Variants in CDH12 observed in about 807,000 individuals in gnomAD.
CDH12 encodes cadherin-12.
A neutral mutation model predicts 74.1 loss-of-function variants in CDH12; 41 were observed. The observed-to-expected ratio is 0.55, with a 90% confidence interval of 0.43 to 0.72. The LOEUF is 0.72. CDH12 is among the 30% of genes least tolerant of loss of function. CDH12 has a pLI of 0.00. For missense variants in CDH12, 945 were observed against 977.2 expected (o/e 0.97, Z 0.44); for synonymous variants, 399 against 355.0 (o/e 1.12, Z -1.39).
intron 5 of CDH12, among the ~76,000 whole-genome samples, chr5:21,993,807 T>C (rs1407191168): frequency 6.6e-6 from 1 of 151,936 alleles, no homozygotes; most frequent in Non-Finnish European, 1.5e-5. Flanking sequence ...TAAGGGTTAT[T>C]TTCAGCTGCT....
In CDH12 at chr5:22,043,906, G is replaced by T. The variant is rs182085365; in HGVS notation, c.231+34540C>A. The stretch of plus-strand genomic sequence containing the variant: ...TGAAGGAAAAGAGCTACACACTGAA[G>T]ACTTTAAAACTCTGATGAAAGACAT... On this transcript the variant is annotated intron_variant, in intron 5 of 14. Coordinates refer to ENST00000382254, the MANE Select transcript of CDH12 (RefSeq NM_004061.5). Among the ~76,000 whole-genome samples the T allele has an allele frequency of 2.1e-3, 312 of 152,080 alleles. 4 individuals carry two copies. Among genetic ancestry groups the T allele is most frequent in the African/African-American group, 6.9e-3 (287 of 41,504 alleles).
chr5:22,496,892 C>T (rs190595607), intron 2 of CDH12, among the ~76,000 whole-genome samples: 4 of 152,216 alleles, frequency 2.6e-5, no homozygotes, highest in East Asian at 1.9e-4. Context: ...TATCTATTCT[C>T]GTCTGAACTT....
intron 11 of CDH12, among the ~76,000 whole-genome samples, chr5:21,770,124 A>G (rs1745240178): frequency 6.6e-6 from 1 of 152,168 alleles, no homozygotes; most frequent in African/African-American, 2.4e-5. Flanking sequence ...GCTATGAGGA[A>G]GCCCACTTTA....
At chr5:22,719,761 C>A (rs1266091775) in intron 1 of CDH12, among the ~76,000 whole-genome samples, 6 of 152,106 alleles carry the variant, frequency 3.9e-5, no homozygotes, top group Non-Finnish European at 5.9e-5. Flanking sequence ...ATTTCACTTA[C>A]AATGTTTAGT....
At chr5:22,797,285 C>G (rs998956513) in intron 1 of CDH12, among the ~76,000 whole-genome samples, 1 of 151,902 alleles carries the variant, frequency 6.6e-6, no homozygotes, top group African/African-American at 2.4e-5. Flanking sequence ...AGGGAACAGG[C>G]CCTCATCAGA....
intron 5 of CDH12, among the ~76,000 whole-genome samples, chr5:21,982,635 ATATC>A (rs1426115948): frequency 6.6e-6 from 1 of 151,788 alleles, no homozygotes; most frequent in African/African-American, 2.4e-5. Flanking sequence ...ATCTATAACT[ATATC>A]TACATCTACA....
At chr5:22,269,993 T>C (rs1464884807) in intron 3 of CDH12, among the ~76,000 whole-genome samples, 1 of 152,216 alleles carries the variant, frequency 6.6e-6, no homozygotes, top group African/African-American at 2.4e-5. Flanking sequence ...GATAATTACA[T>C]ACATATTAAT....
At chr5:22,786,994 C>A (rs1469177718) in intron 1 of CDH12, among the ~76,000 whole-genome samples, 2 of 151,872 alleles carry the variant, frequency 1.3e-5, no homozygotes, top group Non-Finnish European at 2.9e-5. Flanking sequence ...GCCCTCACAC[C>A]TTTTTGATTA....
At chr5:22,204,036 A>G (rs918418326) in intron 4 of CDH12, among the ~76,000 whole-genome samples, 1 of 152,260 alleles carries the variant, frequency 6.6e-6, no homozygotes, top group Non-Finnish European at 1.5e-5. Flanking sequence ...GACAACTTAC[A>G]GAATGGGAGA....
chr5:22,740,302 T>G (rs1015218504), intron 1 of CDH12, among the ~76,000 whole-genome samples: 2 of 152,196 alleles, frequency 1.3e-5, no homozygotes, highest in South Asian at 2.1e-4. Flanking sequence ...TTGCTTGAAT[T>G]ACTTTACTAA....
At chr5:21,914,786 C>A (rs1245714425) in intron 6 of CDH12, among the ~76,000 whole-genome samples, 2 of 152,306 alleles carry the variant, frequency 1.3e-5, no homozygotes, top group East Asian at 3.9e-4. Context: ...TGTAAAATAT[C>A]TTCACAGTAA....
intron 3 of CDH12, among the ~76,000 whole-genome samples, chr5:22,391,834 T>G (rs111951630): frequency 1.3e-5 from 2 of 152,134 alleles, no homozygotes; most frequent in African/African-American, 2.4e-5. Flanking sequence ...TTCCATATTT[T>G]ATAGACTTTA....
At chr5:22,241,034 A>C (rs905206084) in intron 3 of CDH12, among the ~76,000 whole-genome samples, 27 of 152,128 alleles carry the variant, frequency 1.8e-4, no homozygotes, top group Admixed American at 1.7e-3. Flanking sequence ...AACACAATAG[A>C]ATACACAGAA....
intron 3 of CDH12, among the ~76,000 whole-genome samples, chr5:22,287,493 G>A (rs949339389): frequency 6.6e-6 from 1 of 151,962 alleles, no homozygotes; most frequent in African/African-American, 2.4e-5. Flanking sequence ...GGGAGGCCGA[G>A]GCGGGCGGAT....
chr5:22,527,469 T>C (rs1248700045), intron 1 of CDH12, among the ~76,000 whole-genome samples: 1 of 152,192 alleles, frequency 6.6e-6, no homozygotes, highest in Non-Finnish European at 1.5e-5. Context: ...ACTGATGACC[T>C]AACCAGTGCC....
intron 4 of CDH12, among the ~76,000 whole-genome samples, chr5:22,145,289 T>C (rs1747086404): frequency 6.6e-6 from 1 of 152,118 alleles, no homozygotes; most frequent in Non-Finnish European, 1.5e-5. Context: ...TTTATCAAAG[T>C]CCGTACAGCT....
At chr5:22,389,478 G>A (rs369214506) in intron 3 of CDH12, among the ~76,000 whole-genome samples, 2 of 152,174 alleles carry the variant, frequency 1.3e-5, no homozygotes, top group East Asian at 3.9e-4. Context: ...TTGGCTTGAA[G>A]AGTAAGAAGT....
intron 3 of CDH12, among the ~76,000 whole-genome samples, chr5:22,293,674 G>T (rs982387999): frequency 2.0e-5 from 3 of 152,064 alleles, no homozygotes; most frequent in African/African-American, 4.8e-5. Context: ...AAAAAGAAAA[G>T]AATTCTGTCA....
chr5:22,346,802 A>G (rs1243431498), intron 3 of CDH12, among the ~76,000 whole-genome samples: 1 of 152,190 alleles, frequency 6.6e-6, no homozygotes, highest in Admixed American at 6.5e-5. Flanking sequence ...TGCAAAAGTC[A>G]AAACCCTTAA....
Sources: gnomAD v4.1 joint callset for allele counts (sites outside exome capture counted in the v4.1 genomes callset) on GRCh38, gnomAD v4.1.1 for gene constraint, MANE v1.5 for transcripts, NCBI Gene and HGNC (gene_info 2026-07-23, HGNC 2026-07-21) for gene names.